AP3B1: variants seen among roughly 807,000 people sequenced by gnomAD.
The protein encoded by AP3B1 is AP-3 complex subunit beta-1.
Under a neutral mutation model 132.5 loss-of-function variants are expected in AP3B1, and 61 were observed. The observed-to-expected ratio is 0.46, with a 90% CI of 0.37 to 0.57. The LOEUF (loss-of-function observed/expected upper bound fraction) is 0.57. AP3B1 is among the 20% of genes least tolerant of loss of function. The probability of loss-of-function intolerance (pLI) is 0.00; values close to 1 mark genes in which losing one functional copy is unlikely to be tolerated. For synonymous variants in AP3B1, 388 were observed against 438.3 expected (o/e 0.89, Z 1.43); for missense variants, 1,120 against 1,289.4 (o/e 0.87, Z 2.01).
In AP3B1 at chr5:78,116,226, T is replaced by C. The variant is rs1230072806; in HGVS notation, c.1977A>G (p.Glu659=). 3.7e-6 allele frequency: 6 copies of C among 1,612,560 alleles called. No homozygotes were observed. Among genetic ancestry groups the C allele is most frequent in the South Asian group, 2.2e-5 (2 of 91,070 alleles). Residue 659 remains glutamate (E), a synonymous_variant, in exon 18 of 27, where the codon GAA becomes GAG. Coordinates refer to ENST00000255194, the MANE Select transcript of AP3B1 (RefSeq NM_003664.5). The part of the protein sequence containing the change: ...RNVEVIELAK[E]WTPAGKAKQE... ...GCTTTGCTTTTCCTGCTGGGGTCCA[T>C]TCTTTTGCCTGTTTAAACAAATAAA...
chr5:78,217,510 T>C (rs1746012451), intron 6 of AP3B1, among the ~76,000 whole-genome samples: 1 of 152,084 alleles, frequency 6.6e-6, no homozygotes, highest in African/African-American at 2.4e-5. Flanking sequence ...ATGTATTATA[T>C]ATATAATTTT....
In AP3B1 at chr5:78,070,647, T is replaced by C. The variant is rs573064413; in HGVS notation, c.2577+18746A>G. 3.3e-5 allele frequency among the ~76,000 whole-genome samples: 5 copies of C among 152,098 alleles called. No individual in the cohort carries two copies. In the East Asian group the frequency reaches 9.7e-4, roughly 29 times the overall value. On this transcript the variant is annotated intron_variant, in intron 22 of 26. Transcript: ENST00000255194. ...CAACCTACAGAGTGGGAGAAGATTT[T>C]TGCAATCTATCCATTTGACAAAGGT...
intron 15 of AP3B1, among the ~76,000 whole-genome samples, chr5:78,136,916 A>C (rs1312834281): frequency 6.6e-6 from 1 of 152,192 alleles, no homozygotes; most frequent in Non-Finnish European, 1.5e-5. Context: ...ACAGATGAGA[A>C]AATGAAATCT....
chr5:78,175,809 A>G lies in AP3B1; in HGVS notation c.1070T>C (p.Ile357Thr). 2 of 1,612,234 alleles carry G rather than the reference A, an allele frequency of 1.2e-6. No homozygotes were observed. Among genetic ancestry groups the G allele is most frequent in the Non-Finnish European group, 8.5e-7 (1 of 1,179,256 alleles). ...REVQYIVLQN[I>T]ATMSIQRKGM... Reference sequence around the variant, plus strand: ...CTTTCTTTGAATTGACATAGTTGCTATATTTTGTAGGACAATATACTGCAC... The same window carrying G: ...CTTTCTTTGAATTGACATAGTTGCTGTATTTTGTAGGACAATATACTGCAC... The change falls in exon 10 of 27, where the codon ATA (isoleucine) becomes ACA (threonine). Residue 357 changes from isoleucine to threonine, a missense_variant. This residue lies in a region of AP3B1 where 906 missense variants were observed against 997.1 expected (regional missense o/e 0.91). Coordinates refer to ENST00000255194, the MANE Select transcript of AP3B1 (RefSeq NM_003664.5).
chr5:78,221,385 G>A (rs896640846), intron 6 of AP3B1, among the ~76,000 whole-genome samples: 2 of 151,962 alleles, frequency 1.3e-5, no homozygotes, highest in African/African-American at 2.4e-5. Context: ...GAAACAACAC[G>A]ACACTTCAAA....
rs1185982935 is a variant in AP3B1 at position 78,227,545 on chromosome 5, C to T, written c.376-13G>A. The T allele has an allele frequency of 6.2e-7, 1 of 1,613,022 alleles. No individual in the cohort carries two copies. The highest frequency in any genetic ancestry group is 8.5e-7 in the Non-Finnish European group (1 of 1,179,394). ...GTTGGTTTGGGTCCTAAAAATAGTG[C>T]AAAAATATTCACCAAAATTTCAACT... On this transcript the variant is annotated splice_polypyrimidine_tract_variant and intron_variant, in intron 4 of 26. Transcript: ENST00000255194.
intron 22 of AP3B1, among the ~76,000 whole-genome samples, chr5:78,041,355 G>A (rs1404442664): frequency 6.6e-6 from 1 of 151,782 alleles, no homozygotes; most frequent in Non-Finnish European, 1.5e-5. Flanking sequence ...CCAGGAGTTT[G>A]AGAACCAGCC....
At chr5:78,087,549 C>G in intron 22 of AP3B1, 1 of 985,338 alleles carries the variant, frequency 1.0e-6, no homozygotes, top group Non-Finnish European at 1.2e-6. Flanking sequence ...TTCTTTTTAG[C>G]GCTACTTGTT....
chr5:78,039,263 A>C lies in AP3B1; in HGVS notation c.2589T>G (p.Pro863=). 6.2e-7 allele frequency: 1 copy of C among 1,613,920 alleles called. No homozygotes were observed. The highest frequency in any genetic ancestry group is 8.5e-7 in the Non-Finnish European group (1 of 1,179,776). The part of the protein sequence containing the change: ...TSSSVISVST[P]AFVPTKTHVL... ...CGTGAGTTTTCGTTGGTACAAATGC[A>C]GGAGTACTGACCTATTACACACGGC... Residue 863 remains proline (P), a synonymous_variant, in exon 23 of 27, where the codon CCT becomes CCG. Transcript: ENST00000255194.
chr5:78,146,838 T>C (rs1753419694), intron 14 of AP3B1, among the ~76,000 whole-genome samples: 1 of 152,138 alleles, frequency 6.6e-6, no homozygotes, highest in Admixed American at 6.5e-5. Flanking sequence ...CATTTCTTAC[T>C]TTACAACTGG....
At chr5:78,140,901 C>T (rs1485376923) in intron 15 of AP3B1, among the ~76,000 whole-genome samples, 1 of 152,198 alleles carries the variant, frequency 6.6e-6, no homozygotes, top group Non-Finnish European at 1.5e-5. Context: ...TAGAATTCCA[C>T]TGTATGTCAA....
intron 25 of AP3B1, among the ~76,000 whole-genome samples, chr5:78,018,641 C>A (rs570203668): frequency 6.6e-6 from 1 of 150,770 alleles, no homozygotes; most frequent in Non-Finnish European, 1.5e-5. Flanking sequence ...CCACTTTATT[C>A]AAGGTAGAAA....
chr5:78,293,584 A>G (rs1001331572), intron 1 of AP3B1, among the ~76,000 whole-genome samples: 23 of 152,224 alleles, frequency 1.5e-4, no homozygotes, highest in African/African-American at 4.8e-4. Context: ...TAGCACAGCT[A>G]TTCTACCTTA....
At chr5:78,088,649 T>C (rs760232263) in intron 22 of AP3B1, among the ~76,000 whole-genome samples, 22 of 152,216 alleles carry the variant, frequency 1.4e-4, no homozygotes, top group Non-Finnish European at 1.8e-4. Context: ...AAGCTACCTA[T>C]GCCCATCAAA....
intron 17 of AP3B1, among the ~76,000 whole-genome samples, chr5:78,124,596 T>C (rs892742170): frequency 2.0e-5 from 3 of 151,850 alleles, no homozygotes; most frequent in African/African-American, 7.3e-5. Context: ...TAAAAGCAAA[T>C]AAAAATAAAA....
At chr5:78,285,608 T>A (rs1749240865) in intron 1 of AP3B1, among the ~76,000 whole-genome samples, 2 of 152,288 alleles carry the variant, frequency 1.3e-5, no homozygotes, top group South Asian at 4.1e-4. Flanking sequence ...TATCTCCACA[T>A]GGATGCCTAA....
chr5:78,247,008 T>C (rs1314703861), intron 2 of AP3B1, among the ~76,000 whole-genome samples: 1 of 152,012 alleles, frequency 6.6e-6, no homozygotes, highest in African/African-American at 2.4e-5. Context: ...AACTTTGATA[T>C]GTGGTTTTTC....
intron 17 of AP3B1, among the ~76,000 whole-genome samples, chr5:78,119,367 A>C (rs1752041505): frequency 1.3e-5 from 2 of 152,246 alleles, no homozygotes; most frequent in Admixed American, 1.3e-4. Context: ...TGAGAGAAGA[A>C]GGCTTCAGAT....
chr5:78,187,889 A>G (rs1249025219), intron 7 of AP3B1, among the ~76,000 whole-genome samples: 1 of 152,374 alleles, frequency 6.6e-6, no homozygotes, highest in South Asian at 2.1e-4. Context: ...ACAGTCACAT[A>G]GACCAATGGA....
Sources: gnomAD v4.1 joint callset for allele counts (sites outside exome capture counted in the v4.1 genomes callset) on GRCh38, gnomAD v4.1.1 for gene constraint, gnomAD v4.1.1 regional missense constraint, MANE v1.5 for transcripts, NCBI Gene and HGNC (gene_info 2026-07-23, HGNC 2026-07-21) for gene names.